Variants in RGL1 observed in about 807,000 individuals in gnomAD.
RGL1 encodes ral guanine nucleotide dissociation stimulator like 1, also known as ral guanine nucleotide dissociation stimulator-like 1.
A neutral mutation model predicts 95.2 loss-of-function variants in RGL1; 24 were observed. The observed-to-expected ratio is 0.25, with a 90% CI of 0.18 to 0.35. The LOEUF (loss-of-function observed/expected upper bound fraction) is 0.35, where lower values mean the gene tolerates loss of function less well. Ranked by LOEUF, RGL1 falls within the 10% of genes least tolerant of loss-of-function variation. RGL1 has a pLI of 1.00. For synonymous variants in RGL1, 329 were observed against 344.9 expected, an observed-to-expected ratio of 0.95 and a Z score of 0.51; for missense variants, 715 against 936.3, an observed-to-expected ratio of 0.76 and a Z score of 3.08.
upstream of RGL1, among the ~76,000 whole-genome samples, chr1:183,800,540 A>C (rs1660935431): frequency 6.6e-6 from 1 of 152,180 alleles, no homozygotes; most frequent in South Asian, 2.1e-4. Flanking sequence ...ATCTTCCCCT[A>C]TTTAGCAGAT....
At chr1:183,837,352 G>C (rs1042488673) in intron 2 of RGL1, among the ~76,000 whole-genome samples, 4 of 152,178 alleles carry the variant, frequency 2.6e-5, no homozygotes, top group Admixed American at 6.5e-5. Flanking sequence ...CACAAAAACA[G>C]AATGGACTCA....
intron 2 of RGL1, among the ~76,000 whole-genome samples, chr1:183,788,386 C>T (rs1285628864): frequency 1.3e-5 from 2 of 152,220 alleles, no homozygotes; most frequent in African/African-American, 4.8e-5. Context: ...CTGTTCTATT[C>T]AGTCTCTCAA....
At chr1:183,749,293 C>T (rs1657847703) in intron 2 of RGL1, among the ~76,000 whole-genome samples, 1 of 152,194 alleles carries the variant, frequency 6.6e-6, no homozygotes, top group African/African-American at 2.4e-5. Flanking sequence ...CTTTATGAAT[C>T]TGGGTGCTCC....
chr1:183,719,545 G>A (rs1208831182), intron 1 of RGL1, among the ~76,000 whole-genome samples: 1 of 152,186 alleles, frequency 6.6e-6, no homozygotes, highest in Non-Finnish European at 1.5e-5. Flanking sequence ...GTGTGACACA[G>A]CTGGGGATTA....
intron 1 of RGL1, among the ~76,000 whole-genome samples, chr1:183,680,625 T>C (rs1653148457): frequency 1.3e-5 from 2 of 152,214 alleles, no homozygotes; most frequent in South Asian, 2.1e-4. Flanking sequence ...CCTCCAGCTT[T>C]GTTCTTTTTG....
At position 183,658,122 on chromosome 1, in the gene RGL1, G is replaced by A. The variant is rs577390073; in HGVS notation, c.-33+21621G>A. Among the ~76,000 whole-genome samples, 65 of 152,336 alleles carry A rather than the reference G, an allele frequency of 4.3e-4. 1 individual carries two copies. Among genetic ancestry groups the A allele is most frequent in the African/African-American group, 1.5e-3 (62 of 41,584 alleles). ...ACAGCTCCAGTCTACAGCTCCCAGC[G>A]TGAGCGACGCAGAAGATGGCTGATT... On this transcript the variant is annotated intron_variant, in intron 1 of 18. Transcript: ENST00000304685.
At chr1:183,891,617 C>G (rs573541648) in intron 8 of RGL1, among the ~76,000 whole-genome samples, 24 of 152,210 alleles carry the variant, frequency 1.6e-4, no homozygotes, top group South Asian at 6.2e-4. Flanking sequence ...TACCTACAAC[C>G]CTCAGCAGTT....
At chr1:183,874,516 T>C (rs900424741) in intron 4 of RGL1, among the ~76,000 whole-genome samples, 4 of 152,044 alleles carry the variant, frequency 2.6e-5, no homozygotes, top group African/African-American at 9.7e-5. Flanking sequence ...GGAGGTTTTT[T>C]TTTTTCTCTT....
chr1:183,865,920 G>T, intron 3 of RGL1, 76 bp from the exon 4 acceptor site: 1 of 924,360 alleles, frequency 1.1e-6, no homozygotes, highest in Non-Finnish European at 1.8e-6. Flanking sequence ...CTGTCACTTT[G>T]TAGTTGAAGT....
intron 2 of RGL1, among the ~76,000 whole-genome samples, chr1:183,839,376 C>T (rs898653862): frequency 7.2e-5 from 11 of 152,300 alleles, no homozygotes; most frequent in Admixed American, 3.9e-4. Flanking sequence ...GCCATCCACA[C>T]TAGAAATCAG....
At chr1:183,872,643 C>T (rs936468111) in intron 4 of RGL1, among the ~76,000 whole-genome samples, 4 of 152,130 alleles carry the variant, frequency 2.6e-5, no homozygotes, top group African/African-American at 9.7e-5. Context: ...AGTAGTAATC[C>T]AAGACATCGG....
intron 3 of RGL1, among the ~76,000 whole-genome samples, chr1:183,864,152 A>G (rs1665685134): frequency 6.6e-6 from 1 of 152,222 alleles, no homozygotes; most frequent in South Asian, 2.1e-4. Flanking sequence ...AACTTGTAGT[A>G]CAAACCACTT....
intron 2 of RGL1, among the ~76,000 whole-genome samples, chr1:183,787,709 G>T (rs950665784): frequency 6.6e-6 from 1 of 151,892 alleles, no homozygotes; most frequent in African/African-American, 2.4e-5. Context: ...CTTAACAGGG[G>T]GTGTTTGGGT....
At chr1:183,768,865 G>A (rs1659131583) in intron 2 of RGL1, among the ~76,000 whole-genome samples, 1 of 152,086 alleles carries the variant, frequency 6.6e-6, no homozygotes, top group Non-Finnish European at 1.5e-5. Context: ...GTATCCTTAA[G>A]TTTTAGTGAA....
At chr1:183,679,111 C>T (rs1215497147) in intron 1 of RGL1, among the ~76,000 whole-genome samples, 3 of 152,202 alleles carry the variant, frequency 2.0e-5, no homozygotes, top group Non-Finnish European at 4.4e-5. Flanking sequence ...ATGTGAGGGT[C>T]AGGTTGCTTC....
At chr1:183,760,909 T>A (rs1172581735) in intron 2 of RGL1, among the ~76,000 whole-genome samples, 2 of 152,232 alleles carry the variant, frequency 1.3e-5, no homozygotes, top group Non-Finnish European at 2.9e-5. Flanking sequence ...AACCACAGTC[T>A]TTGCTTATCT....
chr1:183,803,269 C>T (rs954111061), upstream of RGL1, among the ~76,000 whole-genome samples: 5 of 152,134 alleles, frequency 3.3e-5, no homozygotes, highest in Non-Finnish European at 5.9e-5. Context: ...GGAGGAAGTA[C>T]AATAAGGAGG....
intron 1 of RGL1, among the ~76,000 whole-genome samples, chr1:183,696,719 A>C (rs551859233): frequency 1.3e-5 from 2 of 152,250 alleles, no homozygotes; most frequent in East Asian, 1.9e-4. Flanking sequence ...TCTTTCCCCC[A>C]AAAACTGTTC....
Position 183,866,025 on chromosome 1 carries a change from A to G in RGL1, c.377A>G (p.Glu126Gly). The change falls in exon 4 of 18, where the codon GAA becomes GGA. Residue 126 changes from glutamate to glycine, a missense_variant. Glu to Gly is a moderately conservative substitution (Grantham distance 98). Around this residue, in one of 3 missense-constraint regions of RGL1, gnomAD observed 381 missense variants for 484.8 expected, o/e 0.79. Transcript: ENST00000360851. ...GGAAACCTGACAAGCCCAAACTGTG[A>G]AGAAGATGGAAGCCAAAGTTCATCA... is the stretch of plus-strand genomic sequence containing the variant. ...RYGNLTSPNC[E>G]EDGSQSSSES... 3.1e-6 allele frequency: 5 copies of G among 1,614,012 alleles called. No individual in the cohort carries two copies. The highest frequency in any genetic ancestry group is 4.2e-6 in the Non-Finnish European group (5 of 1,179,908).
Sources: gnomAD v4.1 joint callset for allele counts (sites outside exome capture counted in the v4.1 genomes callset) on GRCh38, gnomAD v4.1.1 for gene constraint, gnomAD v4.1.1 regional missense constraint, MANE v1.5 for transcripts, NCBI Gene and HGNC (gene_info 2026-07-23, HGNC 2026-07-21) for gene names.